The following NRG3 variants were observed in gnomAD, a reference collection of about 807,000 sequenced individuals.
NRG3 encodes neuregulin 3.
NRG3 carries 31 observed loss-of-function variants against 66.9 expected under a neutral mutation model. The observed-to-expected ratio is 0.46, with a 90% CI of 0.35 to 0.63. The LOEUF is 0.63. NRG3 is among the 20% of genes least tolerant of loss of function. The probability of loss-of-function intolerance (pLI) is 0.00; values close to 1 mark genes in which losing one functional copy is unlikely to be tolerated. For synonymous variants in NRG3, 393 were observed against 359.4 expected, an observed-to-expected ratio of 1.09 and a Z score of -1.06; for missense variants, 910 against 878.9, an observed-to-expected ratio of 1.04 and a Z score of -0.45.
At chr10:82,313,774 T>G (rs965042229) in intron 1 of NRG3, among the ~76,000 whole-genome samples, 2 of 152,172 alleles carry the variant, frequency 1.3e-5, no homozygotes, top group Non-Finnish European at 2.9e-5. Flanking sequence ...TGACTCCACA[T>G]CCATTTTATC....
intron 1 of NRG3, among the ~76,000 whole-genome samples, chr10:82,225,934 C>G (rs1216297136): frequency 6.6e-6 from 1 of 152,088 alleles, no homozygotes; most frequent in African/African-American, 2.4e-5. Context: ...AAGCTCTCTC[C>G]ATACCCGTTT....
intron 2 of NRG3, among the ~76,000 whole-genome samples, chr10:82,684,582 T>G (rs1246417783): frequency 1.3e-5 from 2 of 152,226 alleles, no homozygotes; most frequent in Non-Finnish European, 2.9e-5. Context: ...CTTTTTTTCT[T>G]TTCTAGCTTT....
At chr10:82,913,957 C>T (rs985508984) in intron 4 of NRG3, among the ~76,000 whole-genome samples, 5 of 152,040 alleles carry the variant, frequency 3.3e-5, no homozygotes, top group Admixed American at 3.3e-4. Flanking sequence ...AAATTGTCTC[C>T]TAGTTTTTCA....
intron 1 of NRG3, among the ~76,000 whole-genome samples, chr10:82,200,616 C>G (rs1441111328): frequency 2.6e-5 from 4 of 152,108 alleles, no homozygotes; most frequent in Non-Finnish European, 5.9e-5. Context: ...ATCTTTACAA[C>G]AAACCTATGA....
At chr10:82,944,693 T>G (rs1255493882) in intron 4 of NRG3, among the ~76,000 whole-genome samples, 2 of 152,204 alleles carry the variant, frequency 1.3e-5, no homozygotes, top group African/African-American at 4.8e-5. Flanking sequence ...CAATGTGATA[T>G]TTTTTAGGTT....
intron 1 of NRG3, among the ~76,000 whole-genome samples, chr10:81,926,107 C>A (rs940807987): frequency 1.9e-4 from 29 of 151,818 alleles, no homozygotes; most frequent in African/African-American, 6.8e-4. Flanking sequence ...CATATTGCTA[C>A]TTTATTTATT....
intron 2 of NRG3, among the ~76,000 whole-genome samples, chr10:82,375,515 C>T (rs777179650): frequency 1.1e-4 from 16 of 143,398 alleles, no homozygotes; most frequent in Admixed American, 3.5e-4. Context: ...CCAGCCTGGG[C>T]GACAGAGTGA....
chr10:82,957,276 G>C (rs555844682), intron 5 of NRG3, among the ~76,000 whole-genome samples: 2 of 152,020 alleles, frequency 1.3e-5, no homozygotes, highest in Non-Finnish European at 2.9e-5. Context: ...GAAATTATTA[G>C]GGTAGCAAAA....
At chr10:82,705,986 T>C (rs1327027513) in intron 2 of NRG3, among the ~76,000 whole-genome samples, 1 of 152,204 alleles carries the variant, frequency 6.6e-6, no homozygotes, top group Admixed American at 6.5e-5. Context: ...GCCAGGTTTA[T>C]ATTTAGAATT....
chr10:82,753,250 C>T (rs2058946412), intron 3 of NRG3, among the ~76,000 whole-genome samples: 1 of 152,088 alleles, frequency 6.6e-6, no homozygotes, highest in African/African-American at 2.4e-5. Flanking sequence ...TGATGAGTGA[C>T]ATGAAAACAT....
intron 1 of NRG3, among the ~76,000 whole-genome samples, chr10:82,041,590 C>G (rs892490772): frequency 1.3e-4 from 19 of 151,994 alleles, no homozygotes; most frequent in Admixed American, 1.2e-3. Flanking sequence ...CATATTTTCC[C>G]TCATAATCAG....
At chr10:82,197,727 T>C (rs2074521552) in intron 1 of NRG3, among the ~76,000 whole-genome samples, 1 of 152,208 alleles carries the variant, frequency 6.6e-6, no homozygotes, top group Non-Finnish European at 1.5e-5. Context: ...AAGATAATAC[T>C]AGAAGAAGTG....
chr10:81,905,040 A>C (rs2024785), intron 1 of NRG3, among the ~76,000 whole-genome samples: 11,814 of 152,122 alleles, frequency 0.078, 1,018 homozygotes, highest in East Asian at 0.22. Flanking sequence ...TGACCCTTTC[A>C]TGCAGTCTCC....
rs745940949 is a variant in NRG3 at position 82,297,725 on chromosome 10, AT to A, written c.824-61010del. Among the ~76,000 whole-genome samples the A allele has an allele frequency of 2.6e-4, 39 of 152,054 alleles. 1 individual carries two copies. The highest frequency in any genetic ancestry group is 5.0e-4 in the Non-Finnish European group (34 of 68,018). ...AACATATTATAAATAATTGTATTAC[AT>A]TTTATATATTAAGTATACATATGTA... On this transcript the variant is annotated intron_variant, in intron 1 of 8. Coordinates refer to ENST00000372141, the MANE Select transcript of NRG3 (RefSeq NM_001010848.4).
chr10:82,867,867 G>A (rs1036717888), intron 4 of NRG3, among the ~76,000 whole-genome samples: 7 of 152,096 alleles, frequency 4.6e-5, no homozygotes, highest in African/African-American at 1.7e-4. Context: ...CACACAATTT[G>A]TACCCTCCTC....
At chr10:82,361,936 T>A (rs1402814001) in intron 2 of NRG3, among the ~76,000 whole-genome samples, 2 of 151,778 alleles carry the variant, frequency 1.3e-5, no homozygotes, top group African/African-American at 4.8e-5. Context: ...TTAAAAAAAA[T>A]TGTAATCCTA....
chr10:82,588,694 G>T (rs184375183), intron 2 of NRG3, among the ~76,000 whole-genome samples: 3 of 152,076 alleles, frequency 2.0e-5, no homozygotes, highest in Admixed American at 6.5e-5. Context: ...GTAGAGATGG[G>T]GTTTCACTGT....
chr10:82,008,364 A>T (rs1016857834), intron 1 of NRG3, among the ~76,000 whole-genome samples: 18 of 152,234 alleles, frequency 1.2e-4, no homozygotes, highest in Non-Finnish European at 2.9e-5. Context: ...ACAAGAGTAG[A>T]TGTAAACAAA....
intron 2 of NRG3, among the ~76,000 whole-genome samples, chr10:82,484,645 G>T (rs1842538948): frequency 6.6e-6 from 1 of 152,102 alleles, no homozygotes; most frequent in African/African-American, 2.4e-5. Context: ...AATCACAGTG[G>T]TCCCTGCTCT....
Sources: allele counts gnomAD v4.1 joint callset (sites outside exome capture counted in the v4.1 genomes callset), GRCh38; gene constraint gnomAD v4.1.1; transcripts MANE v1.5; gene names NCBI Gene and HGNC (gene_info 2026-07-23, HGNC 2026-07-21).